Variants in RBFOX1 observed in about 807,000 individuals in gnomAD.
The protein encoded by RBFOX1 is RNA binding fox-1 homolog 1, also known as RNA binding protein fox-1 homolog 1.
Under a neutral mutation model 57.7 loss-of-function variants are expected in RBFOX1, and 8 were observed. That is an observed-to-expected ratio of 0.14 (90% CI 0.08 to 0.25). RBFOX1 has a LOEUF of 0.25. Among genes scored for constraint, RBFOX1 ranks in the 10% least tolerant of loss-of-function variants. RBFOX1 has a pLI of 1.00. For missense variants in RBFOX1, 611 were observed against 548.5 expected (o/e 1.11, Z -1.14); for synonymous variants, 326 against 222.4 (o/e 1.47, Z -4.15).
At chr16:6,467,363 A>C (rs2095073380) in intron 2 of RBFOX1, among the ~76,000 whole-genome samples, 1 of 152,106 alleles carries the variant, frequency 6.6e-6, no homozygotes, top group Admixed American at 6.6e-5. Flanking sequence ...CTTAGTTTAC[A>C]TTAAAATAGT....
intron 4 of RBFOX1, among the ~76,000 whole-genome samples, chr16:7,250,137 G>A (rs747893847): frequency 6.6e-6 from 1 of 152,004 alleles, no homozygotes; most frequent in Non-Finnish European, 1.5e-5. Context: ...TGTCTTTCAA[G>A]CCTTTTATTG....
intron 3 of RBFOX1, among the ~76,000 whole-genome samples, chr16:5,713,929 T>C (rs1567436457): frequency 6.6e-6 from 1 of 152,204 alleles, no homozygotes; most frequent in East Asian, 1.9e-4. Context: ...GACCTCTTTC[T>C]GGGAGACGTG....
At chr16:6,884,787 A>G (rs1489173280) in intron 3 of RBFOX1, among the ~76,000 whole-genome samples, 3 of 152,060 alleles carry the variant, frequency 2.0e-5, no homozygotes, top group Non-Finnish European at 4.4e-5. Context: ...AGTCCCAGCT[A>G]CTTGGGAGGC....
At chr16:5,752,683 G>C (rs928536055) in intron 3 of RBFOX1, among the ~76,000 whole-genome samples, 3 of 152,138 alleles carry the variant, frequency 2.0e-5, no homozygotes, top group East Asian at 1.9e-4. Context: ...CCCATAATAA[G>C]AGAACCCTCT....
intron 3 of RBFOX1, among the ~76,000 whole-genome samples, chr16:5,863,502 G>C (rs1271228748): frequency 6.6e-6 from 1 of 152,214 alleles, no homozygotes; most frequent in African/African-American, 2.4e-5. Context: ...GGTCTGGCTT[G>C]CCCAGCGTGC....
At chr16:7,461,720 C>T (rs1050345069) in intron 4 of RBFOX1, among the ~76,000 whole-genome samples, 1 of 152,156 alleles carries the variant, frequency 6.6e-6, no homozygotes. Context: ...CCACATCCAG[C>T]AGGAGAAAGC....
At chr16:6,420,071 T>G (rs772396739) in intron 2 of RBFOX1, among the ~76,000 whole-genome samples, 1 of 152,206 alleles carries the variant, frequency 6.6e-6, no homozygotes, top group Non-Finnish European at 1.5e-5. Flanking sequence ...TTCCTTGTTT[T>G]GCAGCTAACA....
intron 4 of RBFOX1, among the ~76,000 whole-genome samples, chr16:5,887,148 C>T (rs2057918476): frequency 6.6e-6 from 1 of 152,116 alleles, no homozygotes; most frequent in African/African-American, 2.4e-5. Flanking sequence ...TGAGGAGTAA[C>T]TTGCTTTAGA....
At chr16:5,900,478 A>G (rs1420284341) in intron 4 of RBFOX1, among the ~76,000 whole-genome samples, 6 of 152,214 alleles carry the variant, frequency 3.9e-5, no homozygotes, top group Admixed American at 2.0e-4. Flanking sequence ...GAGTAAAGAA[A>G]TGAAGATTCT....
chr16:6,784,159 C>A (rs1228271903), intron 3 of RBFOX1, among the ~76,000 whole-genome samples: 2 of 151,956 alleles, frequency 1.3e-5, no homozygotes, highest in Admixed American at 6.6e-5. Flanking sequence ...CCTGGATATT[C>A]ACTGGGTTTG....
At chr16:6,132,973 A>AG (rs2096640200) in intron 1 of RBFOX1, among the ~76,000 whole-genome samples, 1 of 149,024 alleles carries the variant, frequency 6.7e-6, no homozygotes, top group African/African-American at 2.5e-5. Flanking sequence ...TCAAAAAAAA[A>AG]AAAAAGAAAA....
upstream of RBFOX1, among the ~76,000 whole-genome samples, chr16:6,014,240 A>T (rs1427250437): frequency 8.8e-6 from 1 of 113,452 alleles, no homozygotes; most frequent in Non-Finnish European, 2.1e-5. Flanking sequence ...TGTTTTTGTT[A>T]TCATCATGAC....
intron 11 of RBFOX1, among the ~76,000 whole-genome samples, chr16:7,646,457 C>T (rs1405856213): frequency 6.6e-6 from 1 of 152,184 alleles, no homozygotes; most frequent in East Asian, 1.9e-4. Flanking sequence ...AACAATTTCA[C>T]CCCAAATTTG....
intron 3 of RBFOX1, among the ~76,000 whole-genome samples, chr16:5,624,047 T>A (rs2048276403): frequency 6.6e-6 from 1 of 152,222 alleles, no homozygotes; most frequent in Non-Finnish European, 1.5e-5. Context: ...GCAGGGCAGA[T>A]GGTGTCCACC....
chr16:6,949,603 C>A (rs1490454988), intron 3 of RBFOX1, among the ~76,000 whole-genome samples: 1 of 151,968 alleles, frequency 6.6e-6, no homozygotes, highest in African/African-American at 2.4e-5. Context: ...CTACGTGCAT[C>A]TTGGATATCT....
chr16:6,640,204 G>T (rs1452360637), intron 2 of RBFOX1, among the ~76,000 whole-genome samples: 1 of 152,168 alleles, frequency 6.6e-6, no homozygotes, highest in Non-Finnish European at 1.5e-5. Context: ...AAATATTATG[G>T]TGAATTATTT....
chr16:6,628,087 C>G (rs373352703), intron 2 of RBFOX1, among the ~76,000 whole-genome samples: 51 of 152,314 alleles, frequency 3.3e-4, no homozygotes, highest in African/African-American at 1.2e-3. Context: ...GCTCCCTTCT[C>G]TGTTCAGGAG....
At chr16:6,022,261 T>C (rs1211237851) in intron 1 of RBFOX1, among the ~76,000 whole-genome samples, 3 of 152,218 alleles carry the variant, frequency 2.0e-5, no homozygotes, top group African/African-American at 7.2e-5. Context: ...TCTGTTTTTT[T>C]TTTTTTAATT....
chr16:5,589,543 A>G (rs570188766), intron 2 of RBFOX1, among the ~76,000 whole-genome samples: 3 of 152,264 alleles, frequency 2.0e-5, no homozygotes, highest in African/African-American at 7.2e-5. Flanking sequence ...TAATAGATCA[A>G]AGGTGATTTG....
Sources: gnomAD v4.1 joint callset for allele counts (sites outside exome capture counted in the v4.1 genomes callset) on GRCh38, gnomAD v4.1.1 for gene constraint, MANE v1.5 for transcripts, NCBI Gene and HGNC (gene_info 2026-07-23, HGNC 2026-07-21) for gene names.